The following PLPPR1 variants were observed in gnomAD, a reference collection of about 807,000 sequenced individuals.
PLPPR1 encodes phospholipid phosphatase-related protein type 1.
Under a neutral mutation model 33.1 loss-of-function variants are expected in PLPPR1, and 10 were observed. That is an observed-to-expected ratio of 0.30 (90% CI 0.19 to 0.51). PLPPR1 has a LOEUF of 0.51. PLPPR1 is among the 20% of genes least tolerant of loss of function. The probability of loss-of-function intolerance (pLI) is 0.97; values close to 1 mark genes in which losing one functional copy is unlikely to be tolerated. For missense variants in PLPPR1, 304 were observed against 408.1 expected (o/e 0.74, Z 2.20); for synonymous variants, 151 against 151.0 (o/e 1.00, Z 0.00).
Position 101,264,906 on chromosome 9 carries a change from T to C in PLPPR1, c.64-4974T>C, listed in dbSNP as rs542600054. ...GCCCTTTACACTTCAGACAAGATGC[T>C]TCATGTATACTCTCATTCCAAACTC... On this transcript the variant is annotated intron_variant, in intron 2 of 7. Coordinates refer to ENST00000374874, the MANE Select transcript of PLPPR1 (RefSeq NM_207299.2). 1.9e-3 allele frequency among the ~76,000 whole-genome samples: 289 copies of C among 152,284 alleles called. 1 individual carries two copies. The highest frequency in any genetic ancestry group is 6.5e-3 in the African/African-American group (272 of 41,562).
chr9:101,048,598 T>C (rs1254312174), intron 1 of PLPPR1, among the ~76,000 whole-genome samples: 1 of 152,248 alleles, frequency 6.6e-6, no homozygotes, highest in African/African-American at 2.4e-5. Flanking sequence ...AAAGGCTTCT[T>C]TTACTTTAGG....
intron 1 of PLPPR1, among the ~76,000 whole-genome samples, chr9:101,117,977 C>G (rs1831135481): frequency 6.6e-6 from 1 of 152,158 alleles, no homozygotes; most frequent in South Asian, 2.1e-4. Flanking sequence ...TGGACACTGT[C>G]AGTAGAGACA....
rs371486478 is a variant in PLPPR1, at chr9:101,312,913, G to A, written c.752G>A (p.Arg251Gln). ...GGCCTCAACCGGGTCTCTGAGTATC[G>A]GAACCACTGCTCGGACGTGATTGCT... ...LTGLNRVSEYRNHCSDVIAGF... is the reference protein window; with the variant it reads ...LTGLNRVSEYQNHCSDVIAGF... Residue 251 changes from arginine to glutamine, a missense_variant, in exon 6 of 8, where the codon CGG becomes CAG. Coordinates refer to ENST00000374874, the MANE Select transcript of PLPPR1 (RefSeq NM_207299.2). 14 of 1,614,108 alleles carry A rather than the reference G, an allele frequency of 8.7e-6. No individual in the cohort carries two copies. Among genetic ancestry groups the A allele is most frequent in the South Asian group, 1.1e-5 (1 of 91,080 alleles).
chr9:101,230,495 T>C (rs531438493), intron 2 of PLPPR1, among the ~76,000 whole-genome samples: 2 of 152,238 alleles, frequency 1.3e-5, no homozygotes, highest in South Asian at 4.1e-4. Flanking sequence ...CATCTTCCTT[T>C]CTCCTTCCCC....
At chr9:101,154,242 A>C (rs1831642801) in intron 1 of PLPPR1, among the ~76,000 whole-genome samples, 2 of 152,156 alleles carry the variant, frequency 1.3e-5, no homozygotes, top group South Asian at 2.1e-4. Context: ...GTTAGGGAGG[A>C]TTCCCTCTTT....
At chr9:101,143,195 A>G (rs1176655656) in intron 1 of PLPPR1, among the ~76,000 whole-genome samples, 3 of 152,188 alleles carry the variant, frequency 2.0e-5, no homozygotes, top group Non-Finnish European at 4.4e-5. Flanking sequence ...TGCTCTAACT[A>G]GAAATTTCTA....
chr9:101,066,495 G>A (rs1588014195), intron 1 of PLPPR1, among the ~76,000 whole-genome samples: 1 of 151,930 alleles, frequency 6.6e-6, no homozygotes, highest in Non-Finnish European at 1.5e-5. Flanking sequence ...AAGTTATTTG[G>A]AATTCTTCTG....
At chr9:101,050,011 G>A (rs1830199339) in intron 1 of PLPPR1, among the ~76,000 whole-genome samples, 1 of 151,030 alleles carries the variant, frequency 6.6e-6, no homozygotes, top group Non-Finnish European at 1.5e-5. Context: ...TGTAGTCCCA[G>A]CTACTCGGGA....
intron 1 of PLPPR1, among the ~76,000 whole-genome samples, chr9:101,092,359 A>G (rs1219280880): frequency 1.3e-5 from 2 of 152,176 alleles, no homozygotes; most frequent in Non-Finnish European, 2.9e-5. Flanking sequence ...TCTAAGTTTC[A>G]TCAGGACCAG....
intron 4 of PLPPR1, among the ~76,000 whole-genome samples, chr9:101,303,180 T>C (rs547148172): frequency 4.0e-5 from 6 of 151,804 alleles, no homozygotes; most frequent in South Asian, 2.1e-4. Flanking sequence ...GACAGGGTTT[T>C]ATCATGCTGG....
At chr9:101,063,403 AG>A (rs559805978) in intron 1 of PLPPR1, among the ~76,000 whole-genome samples, 11 of 152,154 alleles carry the variant, frequency 7.2e-5, no homozygotes, top group Admixed American at 3.3e-4. Context: ...AGAGGTTGTG[AG>A]TACCCTTCTA....
At chr9:101,295,813 A>G (rs1828618117) in intron 4 of PLPPR1, among the ~76,000 whole-genome samples, 1 of 151,906 alleles carries the variant, frequency 6.6e-6, no homozygotes, top group South Asian at 2.1e-4. Flanking sequence ...AAGATGGATT[A>G]AAGACTTAAA....
intron 2 of PLPPR1, among the ~76,000 whole-genome samples, chr9:101,198,204 A>C (rs1384717289): frequency 6.6e-6 from 1 of 152,170 alleles, no homozygotes; most frequent in African/African-American, 2.4e-5. Flanking sequence ...TTTGTGGTGC[A>C]TGTACATCAG....
intron 1 of PLPPR1, among the ~76,000 whole-genome samples, chr9:101,132,172 C>T (rs1239290077): frequency 6.6e-6 from 1 of 152,034 alleles, no homozygotes; most frequent in East Asian, 1.9e-4. Flanking sequence ...CTCAGTGTCC[C>T]CTCATTGGAC....
chr9:101,124,787 C>A (rs1458727072), intron 1 of PLPPR1, among the ~76,000 whole-genome samples: 3 of 152,198 alleles, frequency 2.0e-5, no homozygotes, highest in South Asian at 4.1e-4. Flanking sequence ...AAATCCTCTT[C>A]CCCATATAGT....
chr9:101,173,339 T>C (rs1825971379), intron 1 of PLPPR1, among the ~76,000 whole-genome samples: 1 of 152,144 alleles, frequency 6.6e-6, no homozygotes. Flanking sequence ...TTCAGGCGTA[T>C]TTTTACATAT....
chr9:101,296,288 G>T, intron 4 of PLPPR1, among the ~76,000 whole-genome samples: 1 of 151,836 alleles, frequency 6.6e-6, no homozygotes, highest in Non-Finnish European at 1.5e-5. Context: ...TCATTAAAAA[G>T]TCAGGAAACA....
intron 2 of PLPPR1, among the ~76,000 whole-genome samples, chr9:101,202,010 T>C (rs1314042843): frequency 1.3e-5 from 2 of 152,168 alleles, no homozygotes; most frequent in African/African-American, 2.4e-5. Flanking sequence ...AAAAAACAGA[T>C]AGTTTTGACT....
chr9:101,168,693 G>T (rs1291581004), intron 1 of PLPPR1, among the ~76,000 whole-genome samples: 1 of 152,080 alleles, frequency 6.6e-6, no homozygotes, highest in Non-Finnish European at 1.5e-5. Flanking sequence ...TTATTGGATG[G>T]GTGGGTGAAT....
Sources: gnomAD v4.1 joint callset for allele counts (sites outside exome capture counted in the v4.1 genomes callset) on GRCh38, gnomAD v4.1.1 for gene constraint, MANE v1.5 for transcripts, NCBI Gene and HGNC (gene_info 2026-07-23, HGNC 2026-07-21) for gene names.